The following DNAJC5B variants were observed in gnomAD, a reference collection of about 807,000 sequenced individuals.
The protein encoded by DNAJC5B is DnaJ heat shock protein family (Hsp40) member C5 beta.
DNAJC5B carries 23 observed loss-of-function variants against 24.7 expected under a neutral mutation model. The ratio of observed to expected loss-of-function variants is 0.93; its 90% CI spans 0.67 to 1.32. DNAJC5B has a LOEUF of 1.32. DNAJC5B is among the 40% of genes most tolerant of loss of function. The pLI, the probability that DNAJC5B is intolerant of heterozygous loss-of-function variation, is 0.00. For missense variants in DNAJC5B, 238 were observed against 240.8 expected (o/e 0.99, Z 0.08); for synonymous variants, 101 against 90.1 (o/e 1.12, Z -0.68).
chr8:66,098,781 T>A (rs980701900), intron 5 of DNAJC5B, among the ~76,000 whole-genome samples: 2 of 152,136 alleles, frequency 1.3e-5, no homozygotes, highest in Non-Finnish European at 2.9e-5. Flanking sequence ...TTTTTCCATG[T>A]TTTAATCTCC....
intron 4 of DNAJC5B, among the ~76,000 whole-genome samples, chr8:66,078,166 G>T (rs1807512743): frequency 6.6e-6 from 1 of 152,124 alleles, no homozygotes; most frequent in Non-Finnish European, 1.5e-5. Context: ...AAACTTCCTT[G>T]CTTTGGAAGC....
chr8:66,032,046 T>G (rs1379297215), intron 1 of DNAJC5B, among the ~76,000 whole-genome samples: 1 of 152,256 alleles, frequency 6.6e-6, no homozygotes, highest in East Asian at 1.9e-4. Flanking sequence ...GCTGTTTATT[T>G]AATAAATGTT....
At chr8:66,034,237 G>A (rs193148652) in intron 1 of DNAJC5B, among the ~76,000 whole-genome samples, 5 of 149,564 alleles carry the variant, frequency 3.3e-5, no homozygotes, top group Admixed American at 6.7e-5. Context: ...TTTGCTGGAA[G>A]TGAGATGGGA....
chr8:66,049,623 A>C (rs1806801970), intron 2 of DNAJC5B, among the ~76,000 whole-genome samples: 1 of 152,224 alleles, frequency 6.6e-6, no homozygotes, highest in African/African-American at 2.4e-5. Context: ...AAATCCCCTA[A>C]AGATGCATTT....
intron 1 of DNAJC5B, among the ~76,000 whole-genome samples, chr8:66,039,401 T>G (rs766264510): frequency 6.7e-6 from 1 of 148,726 alleles, no homozygotes; most frequent in Non-Finnish European, 1.5e-5. Flanking sequence ...CAGGCTGGAG[T>G]GCAATGGTGC....
intron 3 of DNAJC5B, among the ~76,000 whole-genome samples, chr8:66,051,945 A>G (rs372211580): frequency 6.6e-6 from 1 of 151,822 alleles, no homozygotes; most frequent in East Asian, 1.9e-4. Context: ...TGAGTGAACC[A>G]ACCACAACCA....
intron 2 of DNAJC5B, among the ~76,000 whole-genome samples, chr8:66,048,314 T>A (rs10095225): frequency 1.3e-5 from 2 of 152,184 alleles, no homozygotes; most frequent in African/African-American, 2.4e-5. Context: ...GGCCTGGGGT[T>A]GGGGGAAAGG....
chr8:66,098,391 C>T (rs919546080), intron 5 of DNAJC5B, among the ~76,000 whole-genome samples: 1 of 151,850 alleles, frequency 6.6e-6, no homozygotes, highest in Non-Finnish European at 1.5e-5. Flanking sequence ...TCAGTAGAGA[C>T]AGAGTTTCAC....
intron 3 of DNAJC5B, among the ~76,000 whole-genome samples, chr8:66,072,540 C>T (rs2128963112): frequency 6.6e-6 from 1 of 152,052 alleles, no homozygotes; most frequent in Non-Finnish European, 1.5e-5. Flanking sequence ...TCAATCATAC[C>T]AAATATGTTC....
intron 1 of DNAJC5B, among the ~76,000 whole-genome samples, chr8:66,030,713 T>C (rs557966439): frequency 2.0e-5 from 3 of 152,304 alleles, no homozygotes; most frequent in Admixed American, 1.3e-4. Context: ...CTCAGCTCAC[T>C]GCAACCTCTG....
At chr8:66,052,993 G>A (rs1006558806) in intron 3 of DNAJC5B, among the ~76,000 whole-genome samples, 1 of 152,150 alleles carries the variant, frequency 6.6e-6, no homozygotes, top group Non-Finnish European at 1.5e-5. Context: ...ATAGCTCACT[G>A]CAGCCTTGAA....
intron 1 of DNAJC5B, among the ~76,000 whole-genome samples, chr8:66,029,764 C>G (rs1806321519): frequency 6.6e-6 from 1 of 152,152 alleles, no homozygotes; most frequent in African/African-American, 2.4e-5. Flanking sequence ...GGGTTTCTGG[C>G]ATGGCCCAGA....
chr8:66,086,580 C>T (rs1488467639), intron 5 of DNAJC5B, among the ~76,000 whole-genome samples: 1 of 152,104 alleles, frequency 6.6e-6, no homozygotes, highest in Non-Finnish European at 1.5e-5. Flanking sequence ...GGAGCCAACC[C>T]TCACTGGCAA....
intron 2 of DNAJC5B, among the ~76,000 whole-genome samples, chr8:66,043,852 G>A (rs1806669474): frequency 6.7e-6 from 1 of 149,450 alleles, no homozygotes; most frequent in East Asian, 1.9e-4. Context: ...TTTGAGATGG[G>A]GTCTCACTCT....
chr8:66,047,463 G>A (rs926943406), intron 2 of DNAJC5B, among the ~76,000 whole-genome samples: 4 of 152,200 alleles, frequency 2.6e-5, no homozygotes, highest in African/African-American at 9.6e-5. Flanking sequence ...TTATAAGATA[G>A]CTTCTTCCTG....
chr8:66,098,233 T>C (rs1425769476), intron 5 of DNAJC5B, among the ~76,000 whole-genome samples: 2 of 150,334 alleles, frequency 1.3e-5, no homozygotes, highest in African/African-American at 4.9e-5. Context: ...AGACAGAGTC[T>C]CACTCTGTCA....
chr8:66,040,485 C>G (rs1217498506), intron 1 of DNAJC5B, among the ~76,000 whole-genome samples: 2 of 152,048 alleles, frequency 1.3e-5, no homozygotes, highest in African/African-American at 4.8e-5. Context: ...TGTTTTTTCA[C>G]AAGGATGCCA....
intron 1 of DNAJC5B, among the ~76,000 whole-genome samples, chr8:66,026,263 A>C (rs965791848): frequency 6.6e-6 from 1 of 150,752 alleles, no homozygotes; most frequent in South Asian, 2.1e-4. Flanking sequence ...TGATTTTTGT[A>C]CATTGATTTT....
At chr8:66,090,251 ATG>A (rs147978582) in intron 5 of DNAJC5B, among the ~76,000 whole-genome samples, 8,785 of 145,076 alleles carry the variant, frequency 0.061, 268 homozygotes, top group African/African-American at 0.073. Flanking sequence ...GCGTGCAGGC[ATG>A]TGTGTGTGTG....
Sources: gnomAD v4.1 joint callset for allele counts (sites outside exome capture counted in the v4.1 genomes callset) on GRCh38, gnomAD v4.1.1 for gene constraint, MANE v1.5 for transcripts, NCBI Gene and HGNC (gene_info 2026-07-23, HGNC 2026-07-21) for gene names.